Variants in PI4KB observed in about 807,000 individuals in gnomAD.
PI4KB encodes phosphatidylinositol 4-kinase beta, also known as PtdIns 4-kinase beta.
A neutral mutation model predicts 81.4 loss-of-function variants in PI4KB; 23 were observed. The observed-to-expected ratio is 0.28, with a 90% CI of 0.20 to 0.40. PI4KB has a LOEUF of 0.40. Ranked by LOEUF, PI4KB falls within the 10% of genes least tolerant of loss-of-function variation. PI4KB has a pLI of 1.00. For synonymous variants in PI4KB, 381 were observed against 406.8 expected (o/e 0.94, Z 0.76); for missense variants, 651 against 1,036.6 (o/e 0.63, Z 5.11).
intron 1 of PI4KB, chr1:151,326,094 AG>A: frequency 4.7e-6 from 6 of 1,273,604 alleles, no homozygotes; most frequent in Non-Finnish European, 6.9e-6. Context: ...GGATCTGGAC[AG>A]GGGTGAGAAG....
Position 151,315,762 on chromosome 1 carries a change from G to C in PI4KB, c.720C>G (p.Ile240Met). Reference sequence around the variant, plus strand: ...GAGCTGGCTTTAGCTCATCTGAGAGGATCAGCTTCCGTAGCTTGGTCCCAC... The same window carrying C: ...GAGCTGGCTTTAGCTCATCTGAGAGCATCAGCTTCCGTAGCTTGGTCCCAC... ...HSRGTKLRKLILSDELKPAHR... is the reference protein window; with the variant it reads ...HSRGTKLRKLMLSDELKPAHR... Residue 240 changes from isoleucine (I) to methionine (M), a missense_variant, in exon 2 of 12, where the codon ATC (isoleucine) becomes ATG (methionine). Physicochemically the swap from Ile to Met is conservative, Grantham distance 10 (BLOSUM62 1). Around this residue, in one of 5 missense-constraint regions of PI4KB, gnomAD observed 314 missense variants for 397.8 expected, o/e 0.79. Coordinates refer to ENST00000368873, the MANE Select transcript of PI4KB (RefSeq NM_001369623.2). 4 of 1,613,494 alleles carry C rather than the reference G, an allele frequency of 2.5e-6. No homozygotes were observed. The highest frequency in any genetic ancestry group is 3.4e-6 in the Non-Finnish European group (4 of 1,179,610).
At chr1:151,303,079 A>G (rs1695439122) in intron 6 of PI4KB, among the ~76,000 whole-genome samples, 1 of 147,144 alleles carries the variant, frequency 6.8e-6, no homozygotes, top group Non-Finnish European at 1.5e-5. Context: ...GCTCACTGCA[A>G]GCTCCGCCTC....
chr1:151,295,385 C>T (rs77799617), intron 9 of PI4KB, among the ~76,000 whole-genome samples: 1 of 152,272 alleles, frequency 6.6e-6, no homozygotes, highest in African/African-American at 2.4e-5. Flanking sequence ...GAGTTCTTCC[C>T]CACTCAGGGA....
At chr1:151,297,631 G>A (rs113075737) in intron 9 of PI4KB, among the ~76,000 whole-genome samples, 5 of 151,548 alleles carry the variant, frequency 3.3e-5, no homozygotes, top group African/African-American at 1.2e-4. Context: ...TCTGCCTCCC[G>A]GGTTCAAGTG....
chr1:151,310,612 T>C (rs966897074), intron 2 of PI4KB, among the ~76,000 whole-genome samples: 2 of 152,060 alleles, frequency 1.3e-5, no homozygotes, highest in Non-Finnish European at 2.9e-5. Context: ...GCTTCCCTGC[T>C]CTTTTTTTTT....
chr1:151,310,094 A>T, intron 3 of PI4KB, 117 bp downstream of exon 3: 1 of 711,654 alleles, frequency 1.4e-6, no homozygotes, highest in Non-Finnish European at 2.5e-6. Context: ...ATCTCCCAGT[A>T]AGAAAAGGGG....
At chr1:151,318,175 T>C (rs1170863344) in intron 1 of PI4KB, among the ~76,000 whole-genome samples, 1 of 151,896 alleles carries the variant, frequency 6.6e-6, no homozygotes, top group Non-Finnish European at 1.5e-5. Flanking sequence ...TCCCAGCACT[T>C]TGGGAGGCCG....
chr1:151,314,620 T>C (rs762753337), intron 2 of PI4KB, among the ~76,000 whole-genome samples: 2 of 152,128 alleles, frequency 1.3e-5, no homozygotes, highest in Non-Finnish European at 2.9e-5. Flanking sequence ...TTCTCCCAAA[T>C]GGTATGGGAA....
At chr1:151,327,216 A>AGGGGGGCCCCCCC (rs1649760785) in intron 1 of PI4KB, 55 bp downstream of exon 1, 6 of 104,006 alleles carry the variant, frequency 5.8e-5, no homozygotes, top group Admixed American at 1.1e-4. Flanking sequence ...TGGGAGAGGG[A>AGGGGGGCCCCCCC]CCCCCCCCCC....
chr1:151,300,468 T>G (rs1695167989), intron 8 of PI4KB, among the ~76,000 whole-genome samples: 1 of 152,012 alleles, frequency 6.6e-6, no homozygotes, highest in Non-Finnish European at 1.5e-5. Flanking sequence ...TAGCCGGGCG[T>G]GGTGGCGCAT....
At position 151,301,915 on chromosome 1, in the gene PI4KB, A is replaced by G. The variant is rs1246623234; in HGVS notation, c.1678T>C (p.Ser560Pro). The G allele has an allele frequency of 6.2e-7, 1 of 1,613,964 alleles. No individual in the cohort carries two copies. Among genetic ancestry groups the G allele is most frequent in the Non-Finnish European group, 8.5e-7 (1 of 1,180,036 alleles). The stretch of plus-strand genomic sequence containing the variant: ...TCATCCCCACACTTGACAATGACTG[A>G]CAGGAGCCGCCAATTGGGGAGATGG... ...YGHLPNWRLL[S>P]VIVKCGDDLR... The change falls in exon 8 of 12, where the codon TCA (serine) becomes CCA (proline). Residue 560 changes from serine (S) to proline (P), a missense_variant. Coordinates refer to ENST00000368873, the MANE Select transcript of PI4KB (RefSeq NM_001369623.2).
chr1:151,306,800 G>A (rs1467615992), intron 4 of PI4KB, among the ~76,000 whole-genome samples: 1 of 152,218 alleles, frequency 6.6e-6, no homozygotes, highest in African/African-American at 2.4e-5. Flanking sequence ...ATATGGGCCG[G>A]GCGCGGTGGC....
At chr1:151,308,262 G>T (rs764828854) in intron 3 of PI4KB, among the ~76,000 whole-genome samples, 3 of 152,188 alleles carry the variant, frequency 2.0e-5, no homozygotes, top group Non-Finnish European at 4.4e-5. Flanking sequence ...GTCAAGTCCC[G>T]CAAGGCTAGA....
Position 151,315,683 on chromosome 1 carries a change from G to T in PI4KB, c.799C>A (p.Pro267Thr). 1.2e-6 allele frequency: 2 copies of T among 1,614,018 alleles called. No individual in the cohort carries two copies. Among genetic ancestry groups the T allele is most frequent in the Non-Finnish European group, 1.7e-6 (2 of 1,179,906 alleles). Residue 267 changes from proline to threonine, a missense_variant, in exon 2 of 12, where the codon CCC becomes ACC. Coordinates refer to ENST00000368873, the MANE Select transcript of PI4KB (RefSeq NM_001369623.2). ...GAGCGCTGGTGAGTCCTTTTGGAGG[G>T]AGACAGCCCTGTGTCAGGGGCCGGG... is the stretch of plus-strand genomic sequence containing the variant. ...LSPAPDTGLS[P>T]SKRTHQRSKS...
At position 151,324,735 on chromosome 1, in the gene PI4KB, G is replaced by A. The variant is rs186579756; in HGVS notation, c.-29+2536C>T. Reference sequence around the variant, plus strand: ...AAACAGATGGCAAAGAAAGCAGCCTGTGCACTCACCTCTCTCTGAATTGTT... The same window carrying A: ...AAACAGATGGCAAAGAAAGCAGCCTATGCACTCACCTCTCTCTGAATTGTT... On this transcript the variant is annotated intron_variant, in intron 1 of 11. Coordinates refer to ENST00000368873, the MANE Select transcript of PI4KB (RefSeq NM_001369623.2). The A allele has an allele frequency of 9.8e-4, 961 of 984,892 alleles. 4 individuals are homozygous for A. The highest frequency in any genetic ancestry group is 3.7e-3 in the Middle Eastern group (7 of 1,914). The allele number at this position is 984,892 out of a possible 1,614,324, so 61.0% of individuals were successfully genotyped here.
chr1:151,316,612 G>A, intron 1 of PI4KB, 103 bp from the exon 2 acceptor site: 2 of 721,278 alleles, frequency 2.8e-6, no homozygotes, highest in African/African-American at 1.8e-5. Flanking sequence ...CACCTTCCCA[G>A]GCACCTCCTC....
At chr1:151,305,598 C>T (rs1309531613) in intron 5 of PI4KB, among the ~76,000 whole-genome samples, 1 of 152,172 alleles carries the variant, frequency 6.6e-6, no homozygotes, top group East Asian at 1.9e-4. Context: ...CTTGTGATGC[C>T]CGCCCCAAGT....
rs1361016981 is a variant in PI4KB at position 151,327,397 on chromosome 1, G to A, written c.-155C>T. Reference sequence around the variant, plus strand: ...GCGCTTCCCTGACAGCGGCCGCGGAGGCTGCACCAGGCCCCGGCTGCGGGG... The same window carrying A: ...GCGCTTCCCTGACAGCGGCCGCGGAAGCTGCACCAGGCCCCGGCTGCGGGG... On this transcript the variant is annotated 5_prime_UTR_variant, in exon 1 of 12. Coordinates refer to ENST00000368873, the MANE Select transcript of PI4KB (RefSeq NM_001369623.2). The A allele has an allele frequency of 2.5e-6, 1 of 397,872 alleles. No homozygotes were observed. Among genetic ancestry groups the A allele is most frequent in the Non-Finnish European group, 4.4e-6 (1 of 225,604 alleles). The allele number at this position is 397,872 out of a possible 1,614,324, so 24.6% of individuals were successfully genotyped here.
intron 1 of PI4KB, chr1:151,324,739 A>T: frequency 2.0e-6 from 2 of 985,220 alleles, no homozygotes; most frequent in Non-Finnish European, 2.4e-6. Flanking sequence ...CAGCCTGTGC[A>T]CTCACCTCTC....
Sources: allele counts gnomAD v4.1 joint callset (sites outside exome capture counted in the v4.1 genomes callset), GRCh38; gene constraint gnomAD v4.1.1; regional missense constraint gnomAD v4.1.1; transcripts MANE v1.5; gene names NCBI Gene and HGNC (gene_info 2026-07-23, HGNC 2026-07-21).